FYB2: variants seen among roughly 807,000 people sequenced by gnomAD.
FYB2 encodes FYN-binding protein 2.
Under a neutral mutation model 94.1 loss-of-function variants are expected in FYB2, and 103 were observed. The observed-to-expected ratio is 1.09, with a 90% CI of 0.93 to 1.29. The LOEUF is 1.29. Ranked by LOEUF, FYB2 falls within the 50% of genes most tolerant of loss-of-function variation. The probability of loss-of-function intolerance (pLI) is 0.00; values close to 1 mark genes in which losing one functional copy is unlikely to be tolerated. For synonymous variants in FYB2, 293 were observed against 287.9 expected, an observed-to-expected ratio of 1.02 and a Z score of -0.18; for missense variants, 896 against 841.5, an observed-to-expected ratio of 1.06 and a Z score of -0.80.
At chr1:56,743,896 G>T in intron 11 of FYB2, 130 bp downstream of exon 11, 1 of 939,564 alleles carries the variant, frequency 1.1e-6, no homozygotes. Flanking sequence ...TCTTGGTATT[G>T]CTTCTCTTAG....
chr1:56,744,012 C>A lies in FYB2; in HGVS notation c.1543+14G>T. ...TTCCTACTGGCAACTTCAGAAATGT[C>A]TTCCTATACTTACCACTACTTGAGG... is the stretch of plus-strand genomic sequence containing the variant. On this transcript the variant is annotated intron_variant, in intron 11 of 19. Transcript: ENST00000343433. The A allele has an allele frequency of 6.2e-7, 1 of 1,611,034 alleles. No homozygotes were observed. The highest frequency in any genetic ancestry group is 8.5e-7 in the Non-Finnish European group (1 of 1,178,660).
intron 13 of FYB2, among the ~76,000 whole-genome samples, chr1:56,739,485 A>G (rs537271076): frequency 6.6e-6 from 1 of 152,218 alleles, no homozygotes; most frequent in Non-Finnish European, 1.5e-5. Flanking sequence ...ATAATCAAAA[A>G]GAACTTCAGG....
At chr1:56,788,163 C>T (rs536410863) in intron 3 of FYB2, among the ~76,000 whole-genome samples, 7 of 152,302 alleles carry the variant, frequency 4.6e-5, no homozygotes, top group East Asian at 3.9e-4. Context: ...CTGATGTACA[C>T]TCAAGTTTGA....
chr1:56,744,232 T>C lies in FYB2; in HGVS notation c.1422A>G (p.Glu474=). The part of the protein sequence containing the change: ...GHLEVLESTK[E]TPDLGVSKTS... ...TCTTAGAGACCCCTAGGTCTGGAGT[T>C]TCTTTAGTTGACTCCAAAACCTCCA... The change falls in exon 10 of 20, where the codon GAA becomes GAG. Residue 474 remains glutamate, a synonymous_variant. Coordinates refer to ENST00000343433, the MANE Select transcript of FYB2 (RefSeq NM_001004303.5). 3.1e-6 allele frequency: 5 copies of C among 1,612,092 alleles called. No homozygotes were observed. Among genetic ancestry groups the C allele is most frequent in the Non-Finnish European group, 4.2e-6 (5 of 1,179,162 alleles).
chr1:56,751,354 T>A (rs1207709137), intron 8 of FYB2, 151 bp from the exon 9 acceptor site: 1 of 914,136 alleles, frequency 1.1e-6, no homozygotes, highest in African/African-American at 1.7e-5. Context: ...ACTCTAAGTT[T>A]CCTGAAGGTG....
At chr1:56,734,819 A>C (rs1644796238) in intron 15 of FYB2, among the ~76,000 whole-genome samples, 1 of 152,144 alleles carries the variant, frequency 6.6e-6, no homozygotes, top group African/African-American at 2.4e-5. Flanking sequence ...TATAATAAAA[A>C]ATAAATAAAA....
intron 9 of FYB2, among the ~76,000 whole-genome samples, chr1:56,747,668 T>TTGG (rs1645101182): frequency 1.3e-5 from 2 of 151,644 alleles, no homozygotes; most frequent in Admixed American, 6.6e-5. Flanking sequence ...TGATGGATTG[T>TTGG]TTCCAAGTCT....
chr1:56,816,563 T>A (rs1003807230), intron 1 of FYB2, among the ~76,000 whole-genome samples: 1 of 152,298 alleles, frequency 6.6e-6, no homozygotes, highest in Middle Eastern at 3.4e-3. Context: ...CACCTCTTCA[T>A]GGGAAGATGT....
intron 4 of FYB2, among the ~76,000 whole-genome samples, chr1:56,786,713 GC>G (rs1474131179): frequency 2.0e-5 from 3 of 152,168 alleles, no homozygotes; most frequent in Non-Finnish European, 4.4e-5. Context: ...CCAGTTGAGT[GC>G]CTGACACATC....
chr1:56,740,279 C>T (rs1644920982), intron 13 of FYB2, among the ~76,000 whole-genome samples: 1 of 152,002 alleles, frequency 6.6e-6, no homozygotes, highest in Non-Finnish European at 1.5e-5. Context: ...CATATTGCTG[C>T]TCTCAAGGGA....
intron 1 of FYB2, among the ~76,000 whole-genome samples, chr1:56,813,448 C>T (rs980323332): frequency 6.6e-6 from 1 of 152,262 alleles, no homozygotes; most frequent in Non-Finnish European, 1.5e-5. Flanking sequence ...ACGAGAACAT[C>T]ACAGGAAAAA....
At chr1:56,756,543 CAT>C (rs1471221391) in intron 6 of FYB2, among the ~76,000 whole-genome samples, 10 of 152,122 alleles carry the variant, frequency 6.6e-5, no homozygotes, top group African/African-American at 1.9e-4. Flanking sequence ...ATCCAGGTAT[CAT>C]AGCTCATTAT....
intron 9 of FYB2, among the ~76,000 whole-genome samples, chr1:56,747,029 G>A (rs750740228): frequency 9.2e-5 from 14 of 151,612 alleles, no homozygotes; most frequent in Non-Finnish European, 1.8e-4. Flanking sequence ...CCTTTTGGAT[G>A]GTCTCTTTGG....
chr1:56,798,839 A>G (rs897788045), intron 1 of FYB2, among the ~76,000 whole-genome samples: 4 of 152,160 alleles, frequency 2.6e-5, no homozygotes, highest in Admixed American at 2.6e-4. Flanking sequence ...AAAGCTAGCA[A>G]TCAAACTCAT....
chr1:56,719,978 G>T (rs776019686), intron 19 of FYB2, 44 bp downstream of exon 19: 4 of 1,521,870 alleles, frequency 2.6e-6, no homozygotes, highest in Non-Finnish European at 1.8e-6. Flanking sequence ...ATACAACAAT[G>T]TATTAGGAAC....
Position 56,776,908 on chromosome 1 carries a change from G to T in FYB2, c.954-8970C>A, listed in dbSNP as rs111623390. 3.6e-3 allele frequency among the ~76,000 whole-genome samples: 543 copies of T among 151,922 alleles called. 5 individuals are homozygous for T. Among genetic ancestry groups the T allele is most frequent in the African/African-American group, 0.011 (465 of 41,344 alleles). On this transcript the variant is annotated intron_variant, in intron 4 of 19. Transcript: ENST00000343433. ...AATCCTCACAACATCCCTGGGGGAA[G>T]GATTTGATTTCACTATTTCCTATAT...
At chr1:56,757,735 A>ATTCT (rs1417490380) in intron 6 of FYB2, among the ~76,000 whole-genome samples, 4 of 100,142 alleles carry the variant, frequency 4.0e-5, no homozygotes, top group East Asian at 3.6e-4. Context: ...TCTTTCTTTC[A>ATTCT]TTCTTTCTTT....
intron 1 of FYB2, among the ~76,000 whole-genome samples, chr1:56,809,449 A>G (rs1646717419): frequency 6.6e-6 from 1 of 152,106 alleles, no homozygotes; most frequent in Non-Finnish European, 1.5e-5. Context: ...GTTTCCTAAC[A>G]TAGTGACCAG....
chr1:56,810,664 T>C (rs576200856), intron 1 of FYB2, among the ~76,000 whole-genome samples: 18 of 152,350 alleles, frequency 1.2e-4, no homozygotes, highest in Non-Finnish European at 2.6e-4. Flanking sequence ...GGTCAGACTT[T>C]GTTACTTAGC....
Sources: gnomAD v4.1 joint callset for allele counts (sites outside exome capture counted in the v4.1 genomes callset) on GRCh38, gnomAD v4.1.1 for gene constraint, MANE v1.5 for transcripts, NCBI Gene and HGNC (gene_info 2026-07-23, HGNC 2026-07-21) for gene names.